Variants in ADAMTS12 observed in about 807,000 individuals in gnomAD.
ADAMTS12 encodes the protein A disintegrin and metalloproteinase with thrombospondin motifs 12.
ADAMTS12 carries 118 observed loss-of-function variants against 167.8 expected under a neutral mutation model. The ratio of observed to expected loss-of-function variants is 0.70; its 90% CI spans 0.61 to 0.82. ADAMTS12 has a LOEUF of 0.82. Ranked by LOEUF, ADAMTS12 falls within the 40% of genes least tolerant of loss-of-function variation. ADAMTS12 has a pLI of 0.00. For synonymous variants in ADAMTS12, 704 were observed against 716.9 expected, an observed-to-expected ratio of 0.98 and a Z score of 0.29; for missense variants, 1,916 against 1,998.8, an observed-to-expected ratio of 0.96 and a Z score of 0.79.
intron 20 of ADAMTS12, among the ~76,000 whole-genome samples, chr5:33,555,085 C>A (rs1745429119): frequency 6.6e-6 from 1 of 152,172 alleles, no homozygotes; most frequent in East Asian, 1.9e-4. Context: ...GTCAAATCAG[C>A]AGTTGCCAAA....
chr5:33,687,071 A>G (rs1742360823), intron 3 of ADAMTS12, among the ~76,000 whole-genome samples: 1 of 138,368 alleles, frequency 7.2e-6, no homozygotes, highest in South Asian at 2.3e-4. Context: ...TAGCAGCCTG[A>G]GCTAACTAAG....
At chr5:33,736,002 TA>T (rs1388191930) in intron 3 of ADAMTS12, among the ~76,000 whole-genome samples, 1 of 152,012 alleles carries the variant, frequency 6.6e-6, no homozygotes, top group Non-Finnish European at 1.5e-5. Context: ...TTAGAGCTTT[TA>T]AAATGGTAAT....
chr5:33,799,642 G>A (rs1746915462), intron 2 of ADAMTS12, among the ~76,000 whole-genome samples: 1 of 152,214 alleles, frequency 6.6e-6, no homozygotes, highest in African/African-American at 2.4e-5. Context: ...AAACCATGTT[G>A]TAAACCCTCT....
intron 16 of ADAMTS12, among the ~76,000 whole-genome samples, chr5:33,598,365 T>C (rs1424734565): frequency 6.6e-6 from 1 of 152,190 alleles, no homozygotes; most frequent in East Asian, 1.9e-4. Context: ...TAAAATTTAA[T>C]TTATCAATTC....
At chr5:33,754,496 G>T (rs1342548446) in intron 2 of ADAMTS12, among the ~76,000 whole-genome samples, 6 of 152,186 alleles carry the variant, frequency 3.9e-5, no homozygotes, top group Non-Finnish European at 8.8e-5. Context: ...AGGAGTCTCT[G>T]CATACTGCTA....
intron 3 of ADAMTS12, among the ~76,000 whole-genome samples, chr5:33,745,784 T>C (rs894962738): frequency 2.0e-5 from 3 of 152,182 alleles, no homozygotes; most frequent in African/African-American, 7.2e-5. Flanking sequence ...ACAGAGAAAT[T>C]GTGCTGAGGC....
chr5:33,677,885 A>G (rs1231132893), intron 5 of ADAMTS12, among the ~76,000 whole-genome samples: 1 of 152,178 alleles, frequency 6.6e-6, no homozygotes, highest in African/African-American at 2.4e-5. Context: ...TTTACACCCA[A>G]TACTCCAATT....
chr5:33,661,564 A>G (rs1579810358), intron 6 of ADAMTS12, among the ~76,000 whole-genome samples: 1 of 152,224 alleles, frequency 6.6e-6, no homozygotes, highest in East Asian at 1.9e-4. Flanking sequence ...CCCACTGGTT[A>G]AAAGTAACAA....
At chr5:33,561,214 A>C (rs201838122) in intron 19 of ADAMTS12, 35 bp from the exon 20 acceptor site, 206 of 1,604,784 alleles carry the variant, frequency 1.3e-4, no homozygotes, top group Admixed American at 1.1e-3. Context: ...ACAGAGGCTG[A>C]GTGTCACCTT....
chr5:33,819,877 G>A (rs1579963252), intron 2 of ADAMTS12, among the ~76,000 whole-genome samples: 1 of 152,128 alleles, frequency 6.6e-6, no homozygotes. Flanking sequence ...CAGTACCCAT[G>A]GGGAGCTAAA....
chr5:33,608,299 T>C (rs1343397037), intron 16 of ADAMTS12, among the ~76,000 whole-genome samples: 4 of 152,116 alleles, frequency 2.6e-5, no homozygotes, highest in African/African-American at 9.7e-5. Context: ...AATATTATAA[T>C]TAAAATTACA....
intron 3 of ADAMTS12, among the ~76,000 whole-genome samples, chr5:33,743,509 C>G (rs1744671905): frequency 6.6e-6 from 1 of 152,194 alleles, no homozygotes; most frequent in Non-Finnish European, 1.5e-5. Flanking sequence ...TTTGTATCTG[C>G]CAGAAAACAC....
At position 33,525,415 on chromosome 5, in the gene ADAMTS12, TA is replaced by T. The variant is rs1743769199; in HGVS notation, c.*1772del. Reference sequence around the variant, plus strand: ...TATTTTTCACAGGAATTCATGAGAGTAATACACGTTAATGGCTTGGAAAAAA... The same window carrying T: ...TATTTTTCACAGGAATTCATGAGAGTATACACGTTAATGGCTTGGAAAAAA... On this transcript the variant is annotated 3_prime_UTR_variant, in exon 24 of 24. Coordinates refer to ENST00000504830, the MANE Select transcript of ADAMTS12 (RefSeq NM_030955.4). The T allele has an allele frequency of 6.6e-6, 1 of 152,180 alleles. No homozygotes were observed. The highest frequency in any genetic ancestry group is 1.5e-5 in the Non-Finnish European group (1 of 68,038). 9.4% of individuals were successfully genotyped at this position (152,180 alleles called of 1,614,324 possible). A position where few individuals can be genotyped will look rare whatever the true frequency, so the allele number is the denominator to read the frequency against.
chr5:33,644,634 G>A (rs998736994), intron 9 of ADAMTS12, among the ~76,000 whole-genome samples: 40 of 151,808 alleles, frequency 2.6e-4, no homozygotes, highest in African/African-American at 9.0e-4. Flanking sequence ...AAGTTCTTAA[G>A]GGCTTGTTAA....
intron 3 of ADAMTS12, among the ~76,000 whole-genome samples, chr5:33,718,839 A>C (rs913762907): frequency 6.6e-6 from 1 of 152,196 alleles, no homozygotes; most frequent in Non-Finnish European, 1.5e-5. Context: ...GCACCTGAAA[A>C]TATTGCATGC....
rs146220989 is a variant in ADAMTS12, at chr5:33,677,627, G to A, written c.915+5391C>T. Among the ~76,000 whole-genome samples, 65 of 152,278 alleles carry A rather than the reference G, an allele frequency of 4.3e-4. 1 individual carries two copies. The highest frequency in any genetic ancestry group is 1.5e-3 in the African/African-American group (62 of 41,562). The stretch of plus-strand genomic sequence containing the variant: ...TCCAAGTCCTAGGAGAAAATTAAAA[G>A]GATAGAATTTGGGCCATAAAATGAA... On this transcript the variant is annotated intron_variant, in intron 5 of 23. Coordinates refer to ENST00000504830, the MANE Select transcript of ADAMTS12 (RefSeq NM_030955.4).
chr5:33,891,956 A>G lies in ADAMTS12; in HGVS notation c.-100T>C, dbSNP rs567799017. The G allele has an allele frequency of 2.7e-6, 4 of 1,470,692 alleles. No individual in the cohort carries two copies. Among genetic ancestry groups the G allele is most frequent in the East Asian group, 2.3e-5 (1 of 42,944 alleles). 91.1% of individuals were successfully genotyped at this position (1,470,692 alleles called of 1,614,324 possible). On this transcript the variant is annotated 5_prime_UTR_variant, in exon 1 of 24. The change abolishes an upstream ATG in the 5' untranslated region. Transcript: ENST00000504830. ...GCCCAGCAGGAAGATGCAGGGGTGC[A>G]TGGTCAGGCGCGAGAAGGCAGCGAC... is the stretch of plus-strand genomic sequence containing the variant.
intron 22 of ADAMTS12, among the ~76,000 whole-genome samples, chr5:33,542,046 T>TGAG (rs1412185352): frequency 7.2e-5 from 11 of 151,912 alleles, no homozygotes; most frequent in African/African-American, 2.4e-4. Flanking sequence ...AGACTAGCAT[T>TGAG]TTGGATAAAG....
chr5:33,862,251 G>T (rs772343739), intron 2 of ADAMTS12, among the ~76,000 whole-genome samples: 1 of 152,034 alleles, frequency 6.6e-6, no homozygotes, highest in African/African-American at 2.4e-5. Flanking sequence ...CTGATTTTTT[G>T]AAAAGATTAA....
Sources: allele counts gnomAD v4.1 joint callset (sites outside exome capture counted in the v4.1 genomes callset), GRCh38; gene constraint gnomAD v4.1.1; transcripts MANE v1.5; gene names NCBI Gene and HGNC (gene_info 2026-07-23, HGNC 2026-07-21).